SLC24A3: variants seen among roughly 807,000 people sequenced by gnomAD.
SLC24A3 encodes the protein solute carrier family 24 member 3, also known as sodium/potassium/calcium exchanger 3.
In SLC24A3, 28 loss-of-function variants were observed where a neutral mutation model predicts 75.8. That is an observed-to-expected ratio of 0.37 (90% CI 0.27 to 0.51). SLC24A3 has a LOEUF of 0.51. SLC24A3 is among the 20% of genes least tolerant of loss of function. SLC24A3 has a pLI of 0.94. For missense variants in SLC24A3, 663 were observed against 847.8 expected, an observed-to-expected ratio of 0.78 and a Z score of 2.71; for synonymous variants, 372 against 334.1, an observed-to-expected ratio of 1.11 and a Z score of -1.24.
At chr20:19,422,376 G>T (rs1214306879) in intron 2 of SLC24A3, among the ~76,000 whole-genome samples, 1 of 152,092 alleles carries the variant, frequency 6.6e-6, no homozygotes, top group Non-Finnish European at 1.5e-5. Flanking sequence ...AGTGACACAG[G>T]TATTGTGTGT....
chr20:19,344,954 A>T (rs955499318), intron 2 of SLC24A3, among the ~76,000 whole-genome samples: 2 of 152,230 alleles, frequency 1.3e-5, no homozygotes, highest in Non-Finnish European at 2.9e-5. Flanking sequence ...CATCATTCTT[A>T]TTTGACATCA....
intron 6 of SLC24A3, among the ~76,000 whole-genome samples, chr20:19,635,813 A>G (rs763705358): frequency 2.6e-5 from 4 of 152,110 alleles, no homozygotes; most frequent in Non-Finnish European, 4.4e-5. Context: ...CTTTCATGGC[A>G]GCTTAGGGCT....
intron 2 of SLC24A3, among the ~76,000 whole-genome samples, chr20:19,424,791 G>A (rs1205879238): frequency 6.8e-6 from 1 of 147,346 alleles, no homozygotes; most frequent in Non-Finnish European, 1.5e-5. Context: ...AGGTCTCTAG[G>A]AGAAAAAGAC....
chr20:19,553,120 T>G (rs1469464972), intron 3 of SLC24A3, among the ~76,000 whole-genome samples: 1 of 119,220 alleles, frequency 8.4e-6, no homozygotes, highest in East Asian at 2.8e-4. Context: ...CTTCCTGTCT[T>G]TCTAAAATTA....
At chr20:19,688,748 T>C (rs2032710340) in intron 12 of SLC24A3, among the ~76,000 whole-genome samples, 1 of 152,238 alleles carries the variant, frequency 6.6e-6, no homozygotes, top group African/African-American at 2.4e-5. Flanking sequence ...ATAATGGGTA[T>C]GATGATTACC....
rs6046264 is a variant in SLC24A3 at position 19,704,757 on chromosome 20, C to G, written c.1719+6077C>G. 5.3e-3 allele frequency among the ~76,000 whole-genome samples: 809 copies of G among 152,178 alleles called. 10 individuals carry two copies. Among genetic ancestry groups the G allele is most frequent in the African/African-American group, 0.019 (776 of 41,524 alleles). Reference sequence around the variant, plus strand: ...GCATTCTGAGAAGGAACAGTACTTGCAAAGGCGTCGAGGCAGGATGTGTCC... The same window carrying G: ...GCATTCTGAGAAGGAACAGTACTTGGAAAGGCGTCGAGGCAGGATGTGTCC... On this transcript the variant is annotated intron_variant, in intron 15 of 16. Coordinates refer to ENST00000328041, the MANE Select transcript of SLC24A3 (RefSeq NM_020689.4).
chr20:19,273,224 G>A (rs1983382261), intron 1 of SLC24A3, among the ~76,000 whole-genome samples: 1 of 152,158 alleles, frequency 6.6e-6, no homozygotes, highest in African/African-American at 2.4e-5. Flanking sequence ...GGCCATGTAG[G>A]GGTCGGTGTC....
intron 2 of SLC24A3, among the ~76,000 whole-genome samples, chr20:19,401,051 G>A (rs1050769059): frequency 2.6e-5 from 4 of 152,158 alleles, no homozygotes; most frequent in South Asian, 2.1e-4. Flanking sequence ...GTTGCTCAAC[G>A]TAAAGTGCTT....
At chr20:19,684,478 T>G in intron 11 of SLC24A3, 142 bp downstream of exon 11, 1 of 957,390 alleles carries the variant, frequency 1.0e-6, no homozygotes, top group Non-Finnish European at 1.5e-6. Flanking sequence ...CTAATCTTAG[T>G]TCCCTGGGCC....
At chr20:19,355,450 T>C (rs1369302288) in intron 2 of SLC24A3, among the ~76,000 whole-genome samples, 1 of 152,180 alleles carries the variant, frequency 6.6e-6, no homozygotes, top group Non-Finnish European at 1.5e-5. Flanking sequence ...GATAAACAAG[T>C]GCAACTTCCT....
chr20:19,490,951 A>G (rs1299669887), intron 2 of SLC24A3, among the ~76,000 whole-genome samples: 5 of 152,190 alleles, frequency 3.3e-5, no homozygotes, highest in East Asian at 1.9e-4. Context: ...CTAATCTCTC[A>G]TTGCTTCTCT....
intron 2 of SLC24A3, among the ~76,000 whole-genome samples, chr20:19,493,626 T>TG (rs758886649): frequency 2.0e-5 from 3 of 151,364 alleles, no homozygotes; most frequent in Non-Finnish European, 4.4e-5. Context: ...TGTCAGGGGG[T>TG]GGGTAAGAGG....
rs373320283 is a variant in SLC24A3 at position 19,260,489 on chromosome 20, G to A, written c.143-20470G>A. On this transcript the variant is annotated intron_variant, in intron 1 of 16. Coordinates refer to ENST00000328041, the MANE Select transcript of SLC24A3 (RefSeq NM_020689.4). ...CAGCACATAATCTCCCTGAGGGTAA[G>A]GTAAGCACTGCTGAAGTTAGAGCTG... Among the ~76,000 whole-genome samples, 311 of 152,298 alleles carry A rather than the reference G, an allele frequency of 2.0e-3. 9 individuals carry two copies. The South Asian group carries it at 0.06, about 29-fold the overall frequency.
chr20:19,250,071 C>T (rs1275691404), intron 1 of SLC24A3, among the ~76,000 whole-genome samples: 1 of 152,184 alleles, frequency 6.6e-6, no homozygotes, highest in Non-Finnish European at 1.5e-5. Flanking sequence ...GTGCAGGGGT[C>T]AGCAGTCATT....
intron 2 of SLC24A3, among the ~76,000 whole-genome samples, chr20:19,346,000 C>T (rs970926500): frequency 7.3e-6 from 1 of 137,798 alleles, no homozygotes; most frequent in African/African-American, 2.9e-5. Flanking sequence ...TATAGCAGCA[C>T]AATTTGCAAT....
At chr20:19,268,876 A>G (rs1389421277) in intron 1 of SLC24A3, among the ~76,000 whole-genome samples, 1 of 152,232 alleles carries the variant, frequency 6.6e-6, no homozygotes, top group Non-Finnish European at 1.5e-5. Context: ...TCCCAGGCAA[A>G]GAAGGAGGCT....
At chr20:19,312,594 A>G (rs1472022248) in intron 2 of SLC24A3, among the ~76,000 whole-genome samples, 1 of 152,170 alleles carries the variant, frequency 6.6e-6, no homozygotes, top group Non-Finnish European at 1.5e-5. Flanking sequence ...ATTCACAAGT[A>G]TATATATAGG....
intron 1 of SLC24A3, among the ~76,000 whole-genome samples, chr20:19,215,014 T>C (rs1229149793): frequency 6.6e-6 from 1 of 152,200 alleles, no homozygotes; most frequent in African/African-American, 2.4e-5. Context: ...TGAGTTGAAA[T>C]GGTCTCCAAT....
chr20:19,607,138 C>T (rs911066260), intron 6 of SLC24A3, among the ~76,000 whole-genome samples: 1 of 152,168 alleles, frequency 6.6e-6, no homozygotes, highest in Non-Finnish European at 1.5e-5. Context: ...TGCCCTGATC[C>T]CCAATTGAAA....
Sources: allele counts gnomAD v4.1 joint callset (sites outside exome capture counted in the v4.1 genomes callset), GRCh38; gene constraint gnomAD v4.1.1; transcripts MANE v1.5; gene names NCBI Gene and HGNC (gene_info 2026-07-23, HGNC 2026-07-21).